CEP164: variants seen among roughly 807,000 people sequenced by gnomAD.
The protein encoded by CEP164 is centrosomal protein 164, also known as centrosomal protein of 164 kDa.
In CEP164, 162 loss-of-function variants were observed where a neutral mutation model predicts 182.7. The observed-to-expected ratio is 0.89, with a 90% CI of 0.78 to 1.01. The LOEUF (loss-of-function observed/expected upper bound fraction) is 1.01, where lower values mean the gene tolerates loss of function less well. Among genes scored for constraint, CEP164 ranks in the 50% least tolerant of loss-of-function variants. CEP164 has a pLI of 0.00. For missense variants in CEP164, 1,735 were observed against 1,790.4 expected (o/e 0.97, Z 0.56); for synonymous variants, 661 against 690.0 (o/e 0.96, Z 0.66).
At position 117,372,827 on chromosome 11, in the gene CEP164, G is replaced by A. The variant is rs1473325446; in HGVS notation, c.1153-924G>A. On this transcript the variant is annotated intron_variant, in intron 9 of 32. Coordinates refer to ENST00000278935, the MANE Select transcript of CEP164 (RefSeq NM_014956.5). Reference sequence around the variant, plus strand: ...TGACGAGATGGGGGTGGTCGGGGCAGTAGGTACCACATTTGGCTGTGTTCT... The same window carrying A: ...TGACGAGATGGGGGTGGTCGGGGCAATAGGTACCACATTTGGCTGTGTTCT... Among the ~76,000 whole-genome samples, 4 of 152,200 alleles carry A rather than the reference G, an allele frequency of 2.6e-5. No homozygotes were observed. The East Asian group carries it at 7.7e-4, about 29-fold the overall frequency.
intron 4 of CEP164, among the ~76,000 whole-genome samples, chr11:117,348,094 C>A (rs545099133): frequency 6.6e-6 from 1 of 151,922 alleles, no homozygotes; most frequent in Non-Finnish European, 1.5e-5. Flanking sequence ...CTCAGCTTCC[C>A]GAGTAGCTGG....
At position 117,380,620 on chromosome 11, in the gene CEP164, C is replaced by T; in HGVS notation, c.1324C>T (p.Gln442Ter). Residue 442 changes from glutamine to a stop codon, truncating the protein, a stop_gained, in exon 12 of 33, where the codon CAA (glutamine) becomes TAA (stop). Transcript: ENST00000278935. LOFTEE classifies it high-confidence loss of function. The stretch of plus-strand genomic sequence containing the variant: ...TATTGCTTCTCTCCTACAGGCCCAG[C>T]AACCACTGGGAATAGAAGACAAGGA... The part of the protein sequence containing the change: ...VLGGACRQAQ[Q>*]PLGIEDKDDS... 6 of 1,599,766 alleles carry T rather than the reference C, an allele frequency of 3.8e-6. No homozygotes were observed. Among genetic ancestry groups the T allele is most frequent in the Non-Finnish European group, 5.1e-6 (6 of 1,172,830 alleles).
Position 117,321,840 on chromosome 11 carries a change from A to G in CEP164, c.-98+7112A>G, listed in dbSNP as rs1007246691. Among the ~76,000 whole-genome samples the G allele has an allele frequency of 3.5e-4, 51 of 147,776 alleles. 1 individual carries two copies. Among genetic ancestry groups the G allele is most frequent in the African/African-American group, 1.3e-3 (51 of 39,420 alleles). ...AGCCTCTGTAGATGAGACTACAGGT[A>G]CACACCATCAAGCCTGGTTAAATTT... On this transcript the variant is annotated intron_variant, in intron 1 of 4. Coordinates refer to the CEP164 transcript ENST00000525734.
rs2047357046 is a variant in CEP164, at chr11:117,411,526, G to C, written c.4164-269G>C. The C allele has an allele frequency of 2.4e-6, 1 of 415,122 alleles. No homozygotes were observed. Among genetic ancestry groups the C allele is most frequent in the African/African-American group, 2.0e-5 (1 of 49,466 alleles). 25.7% of individuals were successfully genotyped at this position (415,122 alleles called of 1,614,324 possible). On this transcript the variant is annotated intron_variant, in intron 31 of 32. Transcript: ENST00000278935. This position sits in a 1 kb window ranked among gnomAD's most constrained non-coding sequence, Gnocchi z 4.4. ...ACAGAGGGGAGCGCTTTGCTGATGA[G>C]ATTGGCGGGAGCAGGCGGATGTGGG... is the stretch of plus-strand genomic sequence containing the variant.
At chr11:117,367,478 A>G (rs1237566112) in intron 8 of CEP164, among the ~76,000 whole-genome samples, 1 of 152,216 alleles carries the variant, frequency 6.6e-6, no homozygotes, top group East Asian at 1.9e-4. Flanking sequence ...AGATTATTGC[A>G]ATTTGGCTAT....
chr11:117,375,906 C>A (rs1035952630), intron 11 of CEP164, 115 bp downstream of exon 11: 21 of 830,904 alleles, frequency 2.5e-5, no homozygotes, highest in Non-Finnish European at 2.8e-5. Context: ...AAGTCCTCTC[C>A]CTTCTAATTC....
chr11:117,393,536 C>T (rs1490385782), intron 20 of CEP164, among the ~76,000 whole-genome samples: 1 of 152,160 alleles, frequency 6.6e-6, no homozygotes, highest in African/African-American at 2.4e-5. Flanking sequence ...GATCTACTAT[C>T]ATTGTCTCCA....
At chr11:117,347,894 T>G (rs960858825) in intron 4 of CEP164, among the ~76,000 whole-genome samples, 1 of 152,218 alleles carries the variant, frequency 6.6e-6, no homozygotes, top group Non-Finnish European at 1.5e-5. Context: ...ATTTACCCTG[T>G]AGAAAAATGT....
Position 117,382,832 on chromosome 11 carries a change from G to A in CEP164, c.1614G>A (p.Lys538=). ...QAPSPPAACE[K]GKEQHSQAEE... is the part of the protein sequence containing the mutation. ...CAAGCCCACCTGCTGCCTGTGAGAA[G>A]GGCAAGGAGCAGCATTCCCAGGCCG... The change falls in exon 14 of 33, where the codon AAG becomes AAA. Residue 538 remains lysine (K), a synonymous_variant. Transcript: ENST00000278935. 1 of 1,614,156 alleles carries A rather than the reference G, an allele frequency of 6.2e-7. No individual in the cohort carries two copies. The highest frequency in any genetic ancestry group is 2.2e-5 in the East Asian group (1 of 44,882).
At position 117,396,436 on chromosome 11, in the gene CEP164, G is replaced by A. The variant is rs964644659; in HGVS notation, c.3217-114G>A. The A allele has an allele frequency of 1.1e-5, 10 of 910,218 alleles. No homozygotes were observed. In the African/African-American group the frequency reaches 1.6e-4, roughly 15 times the overall value. 56.4% of individuals were successfully genotyped at this position (910,218 alleles called of 1,614,324 possible). A position where few individuals can be genotyped will look rare whatever the true frequency, so the allele number is the denominator to read the frequency against. On this transcript the variant is annotated intron_variant, in intron 25 of 32. Coordinates refer to ENST00000278935, the MANE Select transcript of CEP164 (RefSeq NM_014956.5). The stretch of plus-strand genomic sequence containing the variant: ...GATATCTATAAGTAAACAGTGCCTG[G>A]CAGCTAGAGAGCCATTTCCTTGTCT...
At chr11:117,373,027 C>G (rs1464533922) in intron 9 of CEP164, among the ~76,000 whole-genome samples, 1 of 152,040 alleles carries the variant, frequency 6.6e-6, no homozygotes, top group Admixed American at 6.6e-5. Flanking sequence ...ATTTTTCAAC[C>G]CTTAGTCCTA....
chr11:117,363,224 C>G (rs946791841), intron 7 of CEP164, among the ~76,000 whole-genome samples: 8 of 152,208 alleles, frequency 5.3e-5, no homozygotes, highest in African/African-American at 1.9e-4. Flanking sequence ...ACCTTGGCCA[C>G]TTGCTTGTTG....
At chr11:117,358,241 C>T (rs1017953811) in intron 5 of CEP164, among the ~76,000 whole-genome samples, 15 of 152,148 alleles carry the variant, frequency 9.9e-5, no homozygotes, top group African/African-American at 3.4e-4. Flanking sequence ...GAGTTAATGG[C>T]CATCTATAGA....
intron 5 of CEP164, chr11:117,356,099 C>T (rs1310537701): frequency 4.0e-5 from 43 of 1,063,922 alleles, no homozygotes; most frequent in Non-Finnish European, 4.7e-5. Flanking sequence ...GCAGAGCTCA[C>T]GGGGATCTGA....
At chr11:117,327,151 T>C (rs1591904900), upstream of CEP164, among the ~76,000 whole-genome samples, 2 of 152,206 alleles carry the variant, frequency 1.3e-5, no homozygotes, top group Admixed American at 6.5e-5. Context: ...GGTGAAAAGA[T>C]GGATAGTAGA....
chr11:117,390,859 C>T lies in CEP164; in HGVS notation c.2017C>T (p.Leu673Phe), dbSNP rs2044555022. The change falls in exon 16 of 33, where the codon CTC becomes TTC. Residue 673 changes from leucine to phenylalanine, a missense_variant. Leu to Phe is a conservative substitution (Grantham distance 22). Coordinates refer to ENST00000278935, the MANE Select transcript of CEP164 (RefSeq NM_014956.5). ...GGAGGAAAGCCAGAGGCTATCCTGG[C>T]TCCGAGCTCAGGTCCAGTCCAGCAC... Reference protein sequence around the residue: ...REEESQRLSWLRAQVQSSTQA... With the variant: ...REEESQRLSWFRAQVQSSTQA... The T allele has an allele frequency of 6.2e-7, 1 of 1,613,678 alleles. No individual in the cohort carries two copies. Among genetic ancestry groups the T allele is most frequent in the African/African-American group, 1.3e-5 (1 of 74,796 alleles).
At chr11:117,357,295 A>C (rs935875486) in intron 5 of CEP164, among the ~76,000 whole-genome samples, 2 of 151,834 alleles carry the variant, frequency 1.3e-5, no homozygotes, top group Non-Finnish European at 2.9e-5. Context: ...TTTTAGTAGA[A>C]ATGGAGTTTT....
chr11:117,370,069 G>C (rs1408014146), intron 8 of CEP164, among the ~76,000 whole-genome samples: 1 of 152,252 alleles, frequency 6.6e-6, no homozygotes, highest in Non-Finnish European at 1.5e-5. Flanking sequence ...CCTACTAGGC[G>C]ACTCTGCTGG....
At position 117,410,835 on chromosome 11, in the gene CEP164, C is replaced by A. The variant is rs371631049; in HGVS notation, c.4104C>A (p.Ile1368=). 1 of 1,612,706 alleles carries A rather than the reference C, an allele frequency of 6.2e-7. No individual in the cohort carries two copies. Among genetic ancestry groups the A allele is most frequent in the Non-Finnish European group, 8.5e-7 (1 of 1,179,294 alleles). ...EKWRKYFPSG[I]PLLSNSPTPL... ...GTCCCCATGCTCTTCCAGCTGGCAT[C>A]CCGCTGCTCAGCAACAGCCCCACCC... The change falls in exon 31 of 33, where the codon ATC becomes ATA. Residue 1368 remains isoleucine (I), a synonymous_variant. Coordinates refer to ENST00000278935, the MANE Select transcript of CEP164 (RefSeq NM_014956.5).
Sources: allele counts gnomAD v4.1 joint callset (sites outside exome capture counted in the v4.1 genomes callset), GRCh38; gene constraint gnomAD v4.1.1; non-coding constraint Gnocchi (gnomAD v3.1); transcripts MANE v1.5; gene names NCBI Gene and HGNC (gene_info 2026-07-23, HGNC 2026-07-21).